TUBGCP2: variants seen among roughly 807,000 people sequenced by gnomAD.
TUBGCP2 encodes the protein gamma-tubulin complex component 2.
In TUBGCP2, 55 loss-of-function variants were observed where a neutral mutation model predicts 92.2. That is an observed-to-expected ratio of 0.60 (90% confidence interval 0.48 to 0.75). TUBGCP2 has a LOEUF of 0.75. Among genes scored for constraint, TUBGCP2 ranks in the 30% least tolerant of loss-of-function variants. TUBGCP2 has a pLI of 0.00. For synonymous variants in TUBGCP2, 533 were observed against 505.2 expected (o/e 1.06, Z -0.74); for missense variants, 1,093 against 1,188.9 (o/e 0.92, Z 1.19).
intron 8 of TUBGCP2, 146 bp from the exon 9 acceptor site, chr10:133,290,115 C>T (rs1847245682): frequency 1.7e-6 from 2 of 1,165,014 alleles, no homozygotes; most frequent in Admixed American, 2.5e-5. Context: ...GCCTAATCTA[C>T]CAGTTACTTC....
At chr10:133,300,350 T>C in intron 2 of TUBGCP2, 2 of 406,584 alleles carry the variant, frequency 4.9e-6, no homozygotes, top group African/African-American at 2.0e-5. Context: ...CCGAGGCTGG[T>C]AGACTGCTTG....
upstream of TUBGCP2, chr10:133,308,947 C>A (rs1847907329): frequency 6.5e-5 from 80 of 1,231,762 alleles, no homozygotes; most frequent in East Asian, 2.6e-3. Flanking sequence ...CGGGGTGATG[C>A]AGTTGCCCCC....
At chr10:133,294,778 G>A (rs1329997374) in intron 5 of TUBGCP2, among the ~76,000 whole-genome samples, 1 of 151,930 alleles carries the variant, frequency 6.6e-6, no homozygotes, top group Non-Finnish European at 1.5e-5. Context: ...ACCATTCCTG[G>A]CTAATTTTTA....
intron 15 of TUBGCP2, among the ~76,000 whole-genome samples, chr10:133,282,661 G>A (rs1015754888): frequency 6.6e-6 from 1 of 152,186 alleles, no homozygotes. Flanking sequence ...GCACTGCCTG[G>A]AGAGCCTCAT....
chr10:133,297,085 T>G (rs1847504939), intron 5 of TUBGCP2, among the ~76,000 whole-genome samples: 1 of 152,174 alleles, frequency 6.6e-6, no homozygotes, highest in Non-Finnish European at 1.5e-5. Flanking sequence ...GTCCTTAGTT[T>G]GTGAAATCTC....
chr10:133,306,298 C>T (rs750982403), intron 1 of TUBGCP2, among the ~76,000 whole-genome samples: 4 of 152,150 alleles, frequency 2.6e-5, no homozygotes, highest in Non-Finnish European at 5.9e-5. Context: ...CCTTCAAATC[C>T]AAGGGTGGCC....
At chr10:133,305,116 C>A (rs1847777920) in intron 1 of TUBGCP2, among the ~76,000 whole-genome samples, 1 of 152,172 alleles carries the variant, frequency 6.6e-6, no homozygotes, top group African/African-American at 2.4e-5. Flanking sequence ...TATCCGGAGG[C>A]CTGACTGTCT....
chr10:133,294,182 A>G (rs1847436163), intron 5 of TUBGCP2, among the ~76,000 whole-genome samples: 1 of 152,180 alleles, frequency 6.6e-6, no homozygotes, highest in Non-Finnish European at 1.5e-5. Context: ...ACGTTAAGAA[A>G]CTCTTGATAA....
rs952575583 is a variant in TUBGCP2, at chr10:133,279,085, A to G, written c.*681T>C. ...GGATTGGGTGTCAGTCTGCTGAGTAAGTTCTACGTAACAAGGCGGTACCGG... is the reference window on the plus strand; with the variant it reads ...GGATTGGGTGTCAGTCTGCTGAGTAGGTTCTACGTAACAAGGCGGTACCGG... On this transcript the variant is annotated 3_prime_UTR_variant, in exon 18 of 18. Transcript: ENST00000252936. 6.6e-6 allele frequency: 1 copy of G among 152,270 alleles called. No homozygotes were observed. Among genetic ancestry groups the G allele is most frequent in the African/African-American group, 2.4e-5 (1 of 41,438 alleles). 9.4% of individuals were successfully genotyped at this position (152,270 alleles called of 1,614,324 possible).
intron 1 of TUBGCP2, among the ~76,000 whole-genome samples, chr10:133,305,718 T>C (rs1847799107): frequency 6.6e-6 from 1 of 151,746 alleles, no homozygotes; most frequent in Non-Finnish European, 1.5e-5. Context: ...TATCTGTAGA[T>C]GAACATCAAA....
At chr10:133,282,493 A>G (rs1847009306) in intron 15 of TUBGCP2, 151 bp from the exon 16 acceptor site, 1 of 1,147,656 alleles carries the variant, frequency 8.7e-7, no homozygotes, top group Admixed American at 3.3e-5. Context: ...TGCAGGGGAA[A>G]TGACTTATCT....
chr10:133,283,364 A>G, intron 14 of TUBGCP2, 143 bp from the exon 15 acceptor site: 1 of 1,176,752 alleles, frequency 8.5e-7, no homozygotes, highest in Non-Finnish European at 1.2e-6. Context: ...TTAGGGGAAA[A>G]CTTCCAAACA....
intron 1 of TUBGCP2, 99 bp from the exon 2 acceptor site, chr10:133,303,079 C>T (rs997231943): frequency 2.6e-6 from 3 of 1,154,846 alleles, no homozygotes; most frequent in African/African-American, 3.1e-5. Flanking sequence ...CTTTGACAAA[C>T]CAAGTTATCA....
chr10:133,283,710 G>T (rs566778084), intron 14 of TUBGCP2, among the ~76,000 whole-genome samples, 172 bp downstream of exon 14: 44 of 42,464 alleles, frequency 1.0e-3, no homozygotes, highest in African/African-American at 3.2e-3. Flanking sequence ...TCTCCCGCAC[G>T]CCCTGCCTCT....
intron 9 of TUBGCP2, 86 bp from the exon 10 acceptor site, chr10:133,289,106 A>G: frequency 1.4e-6 from 2 of 1,459,484 alleles, no homozygotes; most frequent in Non-Finnish European, 1.9e-6. Context: ...AGGCAGTGGA[A>G]TGGACATTGA....
chr10:133,283,769 T>C, intron 14 of TUBGCP2, 113 bp downstream of exon 14: 1 of 1,508,206 alleles, frequency 6.6e-7, no homozygotes, highest in South Asian at 1.3e-5. Context: ...CTGCATTCCC[T>C]GCCTCTCCTG....
At chr10:133,311,553 T>G (rs1847988380), upstream of TUBGCP2, 3 of 610,736 alleles carry the variant, frequency 4.9e-6, no homozygotes, top group Non-Finnish European at 8.6e-6. Flanking sequence ...ATTCTCCTTT[T>G]CCCAGTATCT....
upstream of TUBGCP2, chr10:133,309,540 G>A: frequency 6.6e-7 from 1 of 1,512,154 alleles, no homozygotes; most frequent in Non-Finnish European, 9.0e-7. Flanking sequence ...CTGGGGCTGT[G>A]CTGCCGCTCT....
At chr10:133,304,119 G>A (rs572411469) in intron 1 of TUBGCP2, among the ~76,000 whole-genome samples, 1 of 152,284 alleles carries the variant, frequency 6.6e-6, no homozygotes, top group East Asian at 1.9e-4. Context: ...AGTCACTCGA[G>A]GCCAGGAGTC....
Sources: allele counts gnomAD v4.1 joint callset (sites outside exome capture counted in the v4.1 genomes callset), GRCh38; gene constraint gnomAD v4.1.1; transcripts MANE v1.5; gene names NCBI Gene and HGNC (gene_info 2026-07-23, HGNC 2026-07-21).